LRRC4C: variants seen among roughly 807,000 people sequenced by gnomAD.
LRRC4C encodes the protein leucine rich repeat containing 4C, also known as leucine-rich repeat-containing protein 4C.
A neutral mutation model predicts 33.6 loss-of-function variants in LRRC4C; 5 were observed. That is an observed-to-expected ratio of 0.15 (90% confidence interval 0.08 to 0.31). The LOEUF is 0.31. LRRC4C is among the 10% of genes least tolerant of loss of function. The pLI is 1.00. For synonymous variants in LRRC4C, 329 were observed against 302.0 expected, an observed-to-expected ratio of 1.09 and a Z score of -0.93; for missense variants, 560 against 796.7, an observed-to-expected ratio of 0.70 and a Z score of 3.58.
chr11:40,391,464 A>G (rs910677728), intron 3 of LRRC4C, among the ~76,000 whole-genome samples: 5 of 152,194 alleles, frequency 3.3e-5, no homozygotes, highest in African/African-American at 1.2e-4. Flanking sequence ...TTTAAGCTTT[A>G]TAACAACGCT....
intron 5 of LRRC4C, among the ~76,000 whole-genome samples, chr11:40,197,675 A>T (rs1273839319): frequency 6.6e-6 from 1 of 152,198 alleles, no homozygotes; most frequent in African/African-American, 2.4e-5. Context: ...GATTTGGCTT[A>T]TCTCTGATTT....
At chr11:41,352,371 G>A (rs758363403) in intron 1 of LRRC4C, among the ~76,000 whole-genome samples, 15 of 152,002 alleles carry the variant, frequency 9.9e-5, no homozygotes, top group Non-Finnish European at 2.1e-4. Flanking sequence ...TTATAATATA[G>A]GTTGTTAGAA....
chr11:41,107,182 A>C (rs956275239), intron 1 of LRRC4C, among the ~76,000 whole-genome samples: 1 of 151,570 alleles, frequency 6.6e-6, no homozygotes, highest in Non-Finnish European at 1.5e-5. Flanking sequence ...CCATGTTGGT[A>C]CTCAAAAAAG....
At chr11:40,544,301 C>T (rs750018792) in intron 3 of LRRC4C, among the ~76,000 whole-genome samples, 9 of 152,026 alleles carry the variant, frequency 5.9e-5, no homozygotes, top group East Asian at 1.9e-4. Context: ...ATACTGGTTA[C>T]ATGAGGCTAA....
intron 1 of LRRC4C, among the ~76,000 whole-genome samples, chr11:41,163,477 T>C (rs1258541335): frequency 3.3e-5 from 5 of 151,330 alleles, no homozygotes; most frequent in Non-Finnish European, 7.4e-5. Flanking sequence ...AGAGATAGGG[T>C]TTCCCCATGT....
At chr11:40,132,582 T>TA (rs1856718852) in intron 6 of LRRC4C, among the ~76,000 whole-genome samples, 1 of 152,184 alleles carries the variant, frequency 6.6e-6, no homozygotes, top group Non-Finnish European at 1.5e-5. Context: ...ATGCATTAAC[T>TA]AATGCATTGA....
At chr11:41,188,910 C>A (rs988110705) in intron 1 of LRRC4C, among the ~76,000 whole-genome samples, 5 of 135,458 alleles carry the variant, frequency 3.7e-5, no homozygotes, top group Non-Finnish European at 6.3e-5. Flanking sequence ...TGCCCCCCCC[C>A]CCAAAAAAAA....
chr11:41,428,922 G>A (rs1955136636), intron 1 of LRRC4C, among the ~76,000 whole-genome samples: 1 of 151,586 alleles, frequency 6.6e-6, no homozygotes, highest in South Asian at 2.1e-4. Context: ...AGGCCTCTGG[G>A]GAGAAGGTAA....
In LRRC4C at chr11:40,995,682, C is replaced by T. The variant is rs116040755; in HGVS notation, c.-495-61959G>A. 2.2e-3 allele frequency among the ~76,000 whole-genome samples: 337 copies of T among 152,044 alleles called. 1 individual carries two copies. Among genetic ancestry groups the T allele is most frequent in the African/African-American group, 7.9e-3 (328 of 41,494 alleles). On this transcript the variant is annotated intron_variant, in intron 1 of 6. Coordinates refer to ENST00000528697, the MANE Select transcript of LRRC4C (RefSeq NM_001258419.2). ...AAAGACTAGGGAGTATCATATGTTG[C>T]TTCTTGTCTTTTTTCTTTCATATAA... is the stretch of plus-strand genomic sequence containing the variant.
intron 2 of LRRC4C, among the ~76,000 whole-genome samples, chr11:40,775,966 G>A (rs1359559718): frequency 6.6e-6 from 1 of 151,844 alleles, no homozygotes; most frequent in African/African-American, 2.4e-5. Flanking sequence ...AGTTTATTGT[G>A]GATTTTTAAC....
intron 3 of LRRC4C, among the ~76,000 whole-genome samples, chr11:40,505,720 C>A (rs1274919800): frequency 2.0e-5 from 3 of 152,104 alleles, no homozygotes; most frequent in African/African-American, 7.2e-5. Flanking sequence ...TTGACACTTG[C>A]TTTACTAGGT....
intron 2 of LRRC4C, among the ~76,000 whole-genome samples, chr11:40,717,922 A>G (rs1404333873): frequency 2.0e-5 from 3 of 152,134 alleles, no homozygotes; most frequent in South Asian, 2.1e-4. Context: ...TACCACAATT[A>G]CTCTGTTTGC....
chr11:41,395,942 C>T (rs1204335119), intron 1 of LRRC4C, among the ~76,000 whole-genome samples: 6 of 152,036 alleles, frequency 3.9e-5, no homozygotes, highest in Non-Finnish European at 5.9e-5. Flanking sequence ...GAAGATCAAA[C>T]TTGTCCAATC....
intron 1 of LRRC4C, among the ~76,000 whole-genome samples, chr11:40,959,348 C>G (rs959559199): frequency 6.6e-6 from 1 of 151,616 alleles, no homozygotes; most frequent in Non-Finnish European, 1.5e-5. Context: ...AGGTTTATTA[C>G]GGAAAGTTCC....
At chr11:41,089,229 A>G (rs1590518256) in intron 1 of LRRC4C, among the ~76,000 whole-genome samples, 1 of 152,010 alleles carries the variant, frequency 6.6e-6, no homozygotes, top group Non-Finnish European at 1.5e-5. Context: ...TTGCATGTTT[A>G]TATCCTTATA....
chr11:40,404,994 A>G (rs758625647), intron 3 of LRRC4C, among the ~76,000 whole-genome samples: 13 of 152,086 alleles, frequency 8.5e-5, no homozygotes, highest in Non-Finnish European at 1.6e-4. Context: ...TTCTAAATAC[A>G]ACACACTATT....
intron 1 of LRRC4C, among the ~76,000 whole-genome samples, chr11:41,158,783 G>C (rs946959131): frequency 2.0e-5 from 3 of 151,930 alleles, no homozygotes; most frequent in African/African-American, 7.3e-5. Flanking sequence ...GAAAACAACA[G>C]CACCATGAAA....
intron 1 of LRRC4C, among the ~76,000 whole-genome samples, chr11:41,191,803 T>A (rs1451502489): frequency 6.6e-6 from 1 of 152,062 alleles, no homozygotes; most frequent in East Asian, 1.9e-4. Flanking sequence ...TGGAAAAGGG[T>A]TCTGCAGCTT....
intron 1 of LRRC4C, among the ~76,000 whole-genome samples, chr11:41,083,623 G>A (rs1939738783): frequency 6.6e-6 from 1 of 152,132 alleles, no homozygotes. Flanking sequence ...ATATCAAAAT[G>A]AGACTTTGTG....
Sources: allele counts gnomAD v4.1 joint callset (sites outside exome capture counted in the v4.1 genomes callset), GRCh38; gene constraint gnomAD v4.1.1; transcripts MANE v1.5; gene names NCBI Gene and HGNC (gene_info 2026-07-23, HGNC 2026-07-21).